Variants in CIP2A observed in about 807,000 individuals in gnomAD.
CIP2A encodes the protein protein CIP2A.
Under a neutral mutation model 110.9 loss-of-function variants are expected in CIP2A, and 103 were observed. The ratio of observed to expected loss-of-function variants is 0.93; its 90% CI spans 0.79 to 1.09. The LOEUF (loss-of-function observed/expected upper bound fraction) is 1.09, where lower values mean the gene tolerates loss of function less well. CIP2A is among the 50% of genes least tolerant of loss of function. The pLI, the probability that CIP2A is intolerant of heterozygous loss-of-function variation, is 0.00. For missense variants in CIP2A, 1,088 were observed against 1,038.4 expected, an observed-to-expected ratio of 1.05 and a Z score of -0.66; for synonymous variants, 381 against 361.6, an observed-to-expected ratio of 1.05 and a Z score of -0.61.
intron 8 of CIP2A, 104 bp downstream of exon 8, chr3:108,576,167 C>G: frequency 1.6e-6 from 1 of 635,864 alleles, no homozygotes; most frequent in East Asian, 2.9e-5. Flanking sequence ...TATAAAAATA[C>G]AGAAATCTGT....
intron 17 of CIP2A, among the ~76,000 whole-genome samples, chr3:108,556,470 GT>G (rs1937804481): frequency 6.6e-6 from 1 of 152,062 alleles, no homozygotes; most frequent in African/African-American, 2.4e-5. Flanking sequence ...ACACAAATTG[GT>G]ACAGGTTGAG....
In CIP2A at chr3:108,579,700, A is replaced by G. The variant is rs1408348189; in HGVS notation, c.550-12T>C. 3 of 1,497,908 alleles carry G rather than the reference A, an allele frequency of 2.0e-6. No homozygotes were observed. Among genetic ancestry groups the G allele is most frequent in the Non-Finnish European group, 2.7e-6 (3 of 1,116,534 alleles). The allele number at this position is 1,497,908 out of a possible 1,614,324, so 92.8% of individuals were successfully genotyped here. On this transcript the variant is annotated splice_polypyrimidine_tract_variant and intron_variant, in intron 5 of 20. Transcript: ENST00000295746. ...GATTTCACATTACTCTGAGGAAAAA[A>G]AAGTTAAAAAATAAATTAGAATTAT...
chr3:108,572,269 C>T (rs533229727), intron 8 of CIP2A, among the ~76,000 whole-genome samples: 1 of 152,062 alleles, frequency 6.6e-6, no homozygotes, highest in East Asian at 1.9e-4. Context: ...ATTGTCTACC[C>T]CAAGGCCATG....
intron 5 of CIP2A, among the ~76,000 whole-genome samples, chr3:108,580,436 AACACACACACACACACACAC>A (rs375166090): frequency 2.1e-5 from 3 of 142,260 alleles, no homozygotes; most frequent in Middle Eastern, 3.5e-3. Context: ...CAGAAATTGA[AACACACACACACACACACAC>A]ACACACACAC....
intron 6 of CIP2A, 69 bp downstream of exon 6, chr3:108,579,497 A>G: frequency 6.4e-7 from 1 of 1,557,556 alleles, no homozygotes; most frequent in Non-Finnish European, 8.7e-7. Context: ...GGTAAAAATA[A>G]AAAAGTCTCA....
At chr3:108,575,838 A>ACG (rs1938610464) in intron 8 of CIP2A, among the ~76,000 whole-genome samples, 2 of 132,076 alleles carry the variant, frequency 1.5e-5, no homozygotes, top group Admixed American at 7.6e-5. Flanking sequence ...ATACGTGTAT[A>ACG]TATACTCATA....
chr3:108,558,749 G>A (rs1937896676), intron 16 of CIP2A, among the ~76,000 whole-genome samples: 1 of 152,110 alleles, frequency 6.6e-6, no homozygotes, highest in African/African-American at 2.4e-5. Context: ...AGAGGAAATG[G>A]TGTTCCAGAC....
In CIP2A at chr3:108,549,892, A is replaced by T. The variant is rs2083874572; in HGVS notation, c.*1257T>A. 6.6e-6 allele frequency: 1 copy of T among 151,880 alleles called. No individual in the cohort carries two copies. Among genetic ancestry groups the T allele is most frequent in the Non-Finnish European group, 1.5e-5 (1 of 67,878 alleles). The allele number at this position is 151,880 out of a possible 1,614,324, so 9.4% of individuals were successfully genotyped here. A position where few individuals can be genotyped will look rare whatever the true frequency, so the allele number is the denominator to read the frequency against. The stretch of plus-strand genomic sequence containing the variant: ...TATTTTATAGACCCTTTTATTCTTC[A>T]GTCTTATCTATCCACTTAAACTTTT... On this transcript the variant is annotated 3_prime_UTR_variant, in exon 21 of 21. Transcript: ENST00000295746.
chr3:108,565,082 C>G (rs1166540437), intron 12 of CIP2A, among the ~76,000 whole-genome samples: 1 of 151,786 alleles, frequency 6.6e-6, no homozygotes, highest in African/African-American at 2.4e-5. Flanking sequence ...TATACAAATA[C>G]AACACAAGAA....
chr3:108,563,729 G>A (rs1938086372), intron 12 of CIP2A, among the ~76,000 whole-genome samples: 1 of 151,946 alleles, frequency 6.6e-6, no homozygotes, highest in Non-Finnish European at 1.5e-5. Context: ...TTTTACATTA[G>A]TATTGTAAGC....
At chr3:108,576,226 T>C (rs775661211) in intron 8 of CIP2A, 45 bp downstream of exon 8, 2 of 1,229,460 alleles carry the variant, frequency 1.6e-6, no homozygotes, top group South Asian at 2.9e-5. Flanking sequence ...TTTCGGCATT[T>C]TGCAGTTTTT....
At chr3:108,577,064 A>G (rs952697589) in intron 7 of CIP2A, among the ~76,000 whole-genome samples, 1 of 152,206 alleles carries the variant, frequency 6.6e-6, no homozygotes, top group Admixed American at 6.6e-5. Context: ...GAGAGAAAGT[A>G]TTCTAGTCTT....
intron 3 of CIP2A, among the ~76,000 whole-genome samples, chr3:108,582,772 T>C (rs188790740): frequency 1.2e-3 from 188 of 152,318 alleles, no homozygotes; most frequent in Non-Finnish European, 1.2e-3. Context: ...TCTTCAATAG[T>C]GGTGATAGAA....
At chr3:108,568,988 G>A (rs2107337076) in intron 9 of CIP2A, among the ~76,000 whole-genome samples, 1 of 150,888 alleles carries the variant, frequency 6.6e-6, no homozygotes, top group South Asian at 2.1e-4. Context: ...ACATTATCTG[G>A]CATGCTCTAC....
At chr3:108,583,306 C>G (rs546107181) in intron 2 of CIP2A, among the ~76,000 whole-genome samples, 7 of 152,120 alleles carry the variant, frequency 4.6e-5, no homozygotes, top group South Asian at 2.1e-4. Context: ...TTGTAGCAAG[C>G]TTTTTCTTTG....
chr3:108,572,038 C>T (rs1576309648), intron 8 of CIP2A, among the ~76,000 whole-genome samples: 1 of 150,288 alleles, frequency 6.7e-6, no homozygotes, highest in Non-Finnish European at 1.5e-5. Flanking sequence ...CTGTTCGGCT[C>T]TGTGTTTTTT....
Position 108,581,417 on chromosome 3 carries a change from A to G in CIP2A, c.547T>C (p.Leu183=). 1.9e-6 allele frequency: 3 copies of G among 1,596,456 alleles called. No individual in the cohort carries two copies. The highest frequency in any genetic ancestry group is 2.6e-6 in the Non-Finnish European group (3 of 1,165,424). The change falls in exon 5 of 21, where the codon TTG becomes CTG. Residue 183 remains leucine, a splice_region_variant and synonymous_variant. Coordinates refer to ENST00000295746, the MANE Select transcript of CIP2A (RefSeq NM_020890.3). ...NLSVQTHIKT[L]SNVKSFYRTL... is the part of the protein sequence containing the mutation. ...TTAAAAAGAAATAAACTTCTTACCA[A>G]TGTCTTTATGTGCGTTTGAACAGAA...
At chr3:108,558,543 T>C (rs1004623044) in intron 16 of CIP2A, among the ~76,000 whole-genome samples, 1 of 152,140 alleles carries the variant, frequency 6.6e-6, no homozygotes, top group Non-Finnish European at 1.5e-5. Context: ...CCTGGAGCTA[T>C]AGAAGCAGTC....
chr3:108,576,431 A>AT, intron 7 of CIP2A, 85 bp from the exon 8 acceptor site: 7 of 683,018 alleles, frequency 1.0e-5, no homozygotes, highest in Non-Finnish European at 1.7e-5. Context: ...TAAATATAAA[A>AT]TTTATGTGTA....
Sources: allele counts gnomAD v4.1 joint callset (sites outside exome capture counted in the v4.1 genomes callset), GRCh38; gene constraint gnomAD v4.1.1; transcripts MANE v1.5; gene names NCBI Gene and HGNC (gene_info 2026-07-23, HGNC 2026-07-21).